MYO3B: variants seen among roughly 807,000 people sequenced by gnomAD.
MYO3B encodes the protein myosin-IIIb.
Under a neutral mutation model 174.6 loss-of-function variants are expected in MYO3B, and 156 were observed. That is an observed-to-expected ratio of 0.89 (90% CI 0.78 to 1.02). The LOEUF is 1.02. Ranked by LOEUF, MYO3B falls within the 50% of genes least tolerant of loss-of-function variation. The probability of loss-of-function intolerance (pLI) is 0.00; values close to 1 mark genes in which losing one functional copy is unlikely to be tolerated. For synonymous variants in MYO3B, 563 were observed against 569.1 expected (o/e 0.99, Z 0.15); for missense variants, 1,632 against 1,639.4 (o/e 1.00, Z 0.08).
intron 32 of MYO3B, among the ~76,000 whole-genome samples, chr2:170,621,714 G>A (rs1695933641): frequency 6.6e-6 from 1 of 151,664 alleles, no homozygotes; most frequent in South Asian, 2.1e-4. Flanking sequence ...ATTTCGTCAT[G>A]TTGGTCAGGC....
intron 7 of MYO3B, among the ~76,000 whole-genome samples, chr2:170,294,494 T>C (rs1276555768): frequency 1.3e-5 from 2 of 152,064 alleles, no homozygotes; most frequent in African/African-American, 2.4e-5. Context: ...TAATTTTATT[T>C]TACTGTGGTT....
chr2:170,637,907 T>C lies in MYO3B; in HGVS notation c.3734-13721T>C, dbSNP rs575294124. The stretch of plus-strand genomic sequence containing the variant: ...TTTAATCTTTGCTTCTCTCAGATAC[T>C]TACTATTTTCTTGGCTTTTTTGAAG... On this transcript the variant is annotated intron_variant, in intron 32 of 34. Transcript: ENST00000408978. 2.4e-4 allele frequency among the ~76,000 whole-genome samples: 36 copies of C among 152,344 alleles called. 3 individuals carry two copies. Among genetic ancestry groups the C allele is most frequent in the African/African-American group, 7.9e-4 (33 of 41,586 alleles).
At chr2:170,500,061 A>G (rs936858007) in intron 27 of MYO3B, among the ~76,000 whole-genome samples, 3 of 152,198 alleles carry the variant, frequency 2.0e-5, no homozygotes, top group African/African-American at 7.2e-5. Flanking sequence ...CACAGCCATG[A>G]GCAAGACTGT....
chr2:170,480,876 T>C (rs1347122561), intron 25 of MYO3B, among the ~76,000 whole-genome samples: 1 of 152,190 alleles, frequency 6.6e-6, no homozygotes, highest in Non-Finnish European at 1.5e-5. Flanking sequence ...CCCACAACAG[T>C]GTGTTTGCAG....
intron 23 of MYO3B, among the ~76,000 whole-genome samples, chr2:170,455,310 A>G (rs1039659639): frequency 3.3e-5 from 5 of 152,342 alleles, no homozygotes; most frequent in Admixed American, 3.3e-4. Context: ...GAAAAAGGAC[A>G]GGCTGGAGGT....
chr2:170,622,309 T>G (rs996756543), intron 32 of MYO3B, among the ~76,000 whole-genome samples: 2 of 152,208 alleles, frequency 1.3e-5, no homozygotes, highest in African/African-American at 2.4e-5. Flanking sequence ...TGAGGATATA[T>G]TAAAATATCC....
At chr2:170,178,337 G>A (rs753341940) in intron 1 of MYO3B, 48 bp downstream of exon 1, 1 of 1,613,672 alleles carries the variant, frequency 6.2e-7, no homozygotes, top group African/African-American at 1.3e-5. Flanking sequence ...GCTTGCTTTA[G>A]ATTGTTTTTC....
intron 7 of MYO3B, among the ~76,000 whole-genome samples, chr2:170,244,916 A>G (rs2093172866): frequency 6.6e-6 from 1 of 152,214 alleles, no homozygotes; most frequent in African/African-American, 2.4e-5. Flanking sequence ...GAATGGTGGT[A>G]GCGATGGAAT....
chr2:170,609,983 C>T (rs570925122), intron 32 of MYO3B, among the ~76,000 whole-genome samples: 1 of 152,356 alleles, frequency 6.6e-6, no homozygotes, highest in South Asian at 2.1e-4. Context: ...AGAAGACTCT[C>T]ACCACAGCAG....
intron 22 of MYO3B, among the ~76,000 whole-genome samples, chr2:170,421,590 C>G (rs2094615465): frequency 6.6e-6 from 1 of 152,210 alleles, no homozygotes; most frequent in African/African-American, 2.4e-5. Context: ...CCACAGCCTG[C>G]TGGGAGGACC....
intron 16 of MYO3B, among the ~76,000 whole-genome samples, chr2:170,397,062 G>C (rs111950811): frequency 1.3e-5 from 2 of 152,042 alleles, no homozygotes; most frequent in Non-Finnish European, 2.9e-5. Flanking sequence ...TGTTAAATCC[G>C]AGCAAGTCCC....
chr2:170,298,401 G>A (rs57093241), intron 7 of MYO3B, among the ~76,000 whole-genome samples: 6,556 of 152,200 alleles, frequency 0.043, 459 homozygotes, highest in African/African-American at 0.14. Context: ...TTCAGGCTGG[G>A]TGCAGTGGCT....
At chr2:170,468,731 C>T (rs1000631724) in intron 25 of MYO3B, among the ~76,000 whole-genome samples, 5 of 152,112 alleles carry the variant, frequency 3.3e-5, no homozygotes, top group Non-Finnish European at 7.3e-5. Flanking sequence ...TGTTGAGGGA[C>T]GTCATAGAAA....
chr2:170,244,919 G>A (rs182337718), intron 7 of MYO3B, among the ~76,000 whole-genome samples: 5 of 152,304 alleles, frequency 3.3e-5, no homozygotes, highest in African/African-American at 4.8e-5. Flanking sequence ...TGGTGGTAGC[G>A]ATGGAATCAC....
chr2:170,274,915 A>T (rs1377999972), intron 7 of MYO3B, among the ~76,000 whole-genome samples: 1 of 152,030 alleles, frequency 6.6e-6, no homozygotes, highest in African/African-American at 2.4e-5. Flanking sequence ...TTTTCCTGGG[A>T]CCATAGGATC....
chr2:170,240,294 A>G (rs948085720), intron 7 of MYO3B, among the ~76,000 whole-genome samples: 1 of 152,194 alleles, frequency 6.6e-6, no homozygotes, highest in Non-Finnish European at 1.5e-5. Flanking sequence ...ATACAAGACA[A>G]TTAGCTCAAT....
rs191459346 is a variant in MYO3B at position 170,524,180 on chromosome 2, T to A, written c.3575+4640T>A. ...CAGTTTTTTTTCCCCCCACATTTTA[T>A]CTCATGTAATTCTCACACCAGCCTT... On this transcript the variant is annotated intron_variant, in intron 30 of 34. Transcript: ENST00000408978. Among the ~76,000 whole-genome samples the A allele has an allele frequency of 3.0e-4, 45 of 152,322 alleles. 2 individuals carry two copies. In the East Asian group the frequency reaches 6.9e-3, roughly 23 times the overall value.
chr2:170,553,065 G>A lies in MYO3B; in HGVS notation c.3733+9077G>A, dbSNP rs141375043. Among the ~76,000 whole-genome samples the A allele has an allele frequency of 1.8e-3, 269 of 152,268 alleles. 2 individuals carry two copies. The highest frequency in any genetic ancestry group is 6.1e-3 in the African/African-American group (252 of 41,562). ...TTCAGAGGATGTATGGAAACACCTG[G>A]ATGTCCAAGCAGAAGTCTGCTGCAA... On this transcript the variant is annotated intron_variant, in intron 32 of 34. Coordinates refer to ENST00000408978, the MANE Select transcript of MYO3B (RefSeq NM_138995.5).
intron 7 of MYO3B, among the ~76,000 whole-genome samples, chr2:170,328,159 C>G (rs2093883037): frequency 6.6e-6 from 1 of 152,084 alleles, no homozygotes; most frequent in African/African-American, 2.4e-5. Flanking sequence ...GCCTCAGCCT[C>G]TCAAAGTGCT....
Sources: gnomAD v4.1 joint callset for allele counts (sites outside exome capture counted in the v4.1 genomes callset) on GRCh38, gnomAD v4.1.1 for gene constraint, MANE v1.5 for transcripts, NCBI Gene and HGNC (gene_info 2026-07-23, HGNC 2026-07-21) for gene names.